ADGRL3: variants seen among roughly 807,000 people sequenced by gnomAD.
The protein encoded by ADGRL3 is calcium-independent alpha-latrotoxin receptor 3.
ADGRL3 carries 62 observed loss-of-function variants against 153.5 expected under a neutral mutation model. The ratio of observed to expected loss-of-function variants is 0.40; its 90% CI spans 0.33 to 0.50. The LOEUF (loss-of-function observed/expected upper bound fraction) is 0.50, where lower values mean the gene tolerates loss of function less well. Ranked by LOEUF, ADGRL3 falls within the 20% of genes least tolerant of loss-of-function variation. The pLI is 0.47. For synonymous variants in ADGRL3, 710 were observed against 672.5 expected (o/e 1.06, Z -0.86); for missense variants, 1,641 against 1,859.4 (o/e 0.88, Z 2.16).
chr4:61,330,749 C>T (rs1422856593), intron 1 of ADGRL3, among the ~76,000 whole-genome samples: 4 of 152,122 alleles, frequency 2.6e-5, no homozygotes, highest in Non-Finnish European at 5.9e-5. Context: ...GCAGGTTGCC[C>T]CTGCTGGCTG....
chr4:61,753,355 T>C (rs2096780895), intron 8 of ADGRL3, among the ~76,000 whole-genome samples: 1 of 152,236 alleles, frequency 6.6e-6, no homozygotes. Context: ...CTTTAGATGA[T>C]GGCATGAGAA....
chr4:61,445,722 C>G (rs929605531), intron 2 of ADGRL3, among the ~76,000 whole-genome samples: 18 of 152,158 alleles, frequency 1.2e-4, no homozygotes, highest in African/African-American at 4.3e-4. Flanking sequence ...TCAGTTGAGT[C>G]ACATTTCTTA....
At chr4:61,965,917 A>G (rs2099004889) in intron 17 of ADGRL3, among the ~76,000 whole-genome samples, 2 of 152,196 alleles carry the variant, frequency 1.3e-5, no homozygotes, top group South Asian at 4.1e-4. Flanking sequence ...CTAATTTAAA[A>G]ATCCAATTCA....
At chr4:61,631,863 G>A (rs1199809767) in intron 5 of ADGRL3, among the ~76,000 whole-genome samples, 1 of 151,340 alleles carries the variant, frequency 6.6e-6, no homozygotes, top group African/African-American at 2.4e-5. Flanking sequence ...TCCTGACCTC[G>A]TGATCTGCCC....
intron 2 of ADGRL3, among the ~76,000 whole-genome samples, chr4:61,401,843 T>C (rs928054127): frequency 2.6e-5 from 4 of 152,040 alleles, no homozygotes; most frequent in African/African-American, 9.7e-5. Context: ...TGAATGCCAG[T>C]GTTTCAGCTT....
intron 5 of ADGRL3, among the ~76,000 whole-genome samples, chr4:61,644,158 T>G (rs1388738896): frequency 7.3e-6 from 1 of 137,026 alleles, no homozygotes; most frequent in African/African-American, 2.7e-5. Context: ...TTTTTTATTG[T>G]GTCTATTTGA....
At position 62,044,408 on chromosome 4, in the gene ADGRL3, A is replaced by G. The variant is rs369737042; in HGVS notation, c.3718-45A>G. The G allele has an allele frequency of 5.0e-5, 60 of 1,202,656 alleles. 1 individual carries two copies. In the East Asian group the frequency reaches 7.3e-4, roughly 15 times the overall value. The allele number at this position is 1,202,656 out of a possible 1,614,324, so 74.5% of individuals were successfully genotyped here. Reference sequence around the variant, plus strand: ...AAAAGAATGATTTGTGTGAAAATTCACTGCATCATGAGTTCATTTTCTTTC... The same window carrying G: ...AAAAGAATGATTTGTGTGAAAATTCGCTGCATCATGAGTTCATTTTCTTTC... On this transcript the variant is annotated intron_variant, in intron 24 of 26. Transcript: ENST00000683033.
At chr4:61,803,137 G>GA (rs901745692) in intron 8 of ADGRL3, among the ~76,000 whole-genome samples, 8 of 151,856 alleles carry the variant, frequency 5.3e-5, no homozygotes, top group African/African-American at 1.9e-4. Context: ...CATTTAAATG[G>GA]AAAAAGTTTT....
intron 1 of ADGRL3, among the ~76,000 whole-genome samples, chr4:61,215,636 C>T (rs1212650093): frequency 6.7e-6 from 1 of 149,256 alleles, no homozygotes; most frequent in African/African-American, 2.5e-5. Flanking sequence ...CCTGCAAGCT[C>T]CGCCTCCCGG....
chr4:61,214,657 TG>T (rs530469705), intron 1 of ADGRL3, among the ~76,000 whole-genome samples: 126 of 152,282 alleles, frequency 8.3e-4, no homozygotes, highest in Non-Finnish European at 1.1e-3. Context: ...AGGTACAGGC[TG>T]GATGCTGTGG....
intron 1 of ADGRL3, among the ~76,000 whole-genome samples, chr4:61,291,968 T>C (rs1160748790): frequency 6.7e-6 from 1 of 150,204 alleles, no homozygotes; most frequent in Non-Finnish European, 1.5e-5. Flanking sequence ...AAGTGTCCAT[T>C]TTAAACAATG....
chr4:61,286,072 A>G (rs1288882824), intron 1 of ADGRL3, among the ~76,000 whole-genome samples: 3 of 151,490 alleles, frequency 2.0e-5, no homozygotes, highest in African/African-American at 7.3e-5. Flanking sequence ...TCATTTAAAA[A>G]TGAAACTAGA....
At chr4:61,303,681 T>A (rs2094664106) in intron 1 of ADGRL3, among the ~76,000 whole-genome samples, 1 of 152,122 alleles carries the variant, frequency 6.6e-6, no homozygotes, top group African/African-American at 2.4e-5. Context: ...GTCTGAAAAG[T>A]GGGATTTTTA....
intron 3 of ADGRL3, among the ~76,000 whole-genome samples, chr4:61,507,200 T>A (rs1002198225): frequency 2.6e-5 from 4 of 152,166 alleles, no homozygotes; most frequent in Non-Finnish European, 5.9e-5. Context: ...CATTATTTAA[T>A]AATGAAGACA....
At chr4:61,748,497 G>A (rs927369731) in intron 8 of ADGRL3, among the ~76,000 whole-genome samples, 8 of 151,788 alleles carry the variant, frequency 5.3e-5, no homozygotes, top group Non-Finnish European at 8.8e-5. Context: ...GCATGGTACT[G>A]GTACCAAAAC....
intron 9 of ADGRL3, among the ~76,000 whole-genome samples, chr4:61,825,696 T>A (rs1284518250): frequency 1.3e-5 from 2 of 152,240 alleles, no homozygotes; most frequent in Non-Finnish European, 2.9e-5. Flanking sequence ...ATATTTTTTA[T>A]GCAGTTGCAT....
At chr4:61,497,433 A>G (rs1199637172) in intron 3 of ADGRL3, 85 bp downstream of exon 3, 1 of 769,734 alleles carries the variant, frequency 1.3e-6, no homozygotes, top group Non-Finnish European at 2.1e-6. Context: ...TTTCTCTGAG[A>G]CTGCTTTGTA....
intron 4 of ADGRL3, among the ~76,000 whole-genome samples, chr4:61,540,848 C>G (rs1254651458): frequency 6.6e-6 from 1 of 151,888 alleles, no homozygotes; most frequent in Non-Finnish European, 1.5e-5. Context: ...TTAGGAACAG[C>G]AAGGGGCATC....
At chr4:61,859,299 A>G (rs1181238287) in intron 9 of ADGRL3, among the ~76,000 whole-genome samples, 1 of 152,204 alleles carries the variant, frequency 6.6e-6, no homozygotes, top group African/African-American at 2.4e-5. Context: ...ATTAATTTAG[A>G]TAAGCAGAAA....
Sources: allele counts gnomAD v4.1 joint callset (sites outside exome capture counted in the v4.1 genomes callset), GRCh38; gene constraint gnomAD v4.1.1; transcripts MANE v1.5; gene names NCBI Gene and HGNC (gene_info 2026-07-23, HGNC 2026-07-21).